The following FAM227B variants were observed in gnomAD, a reference collection of about 807,000 sequenced individuals.
FAM227B encodes the protein family with sequence similarity 227 member B.
Under a neutral mutation model 73.8 loss-of-function variants are expected in FAM227B, and 88 were observed. The observed-to-expected ratio is 1.19, with a 90% CI of 1.00 to 1.42. The LOEUF is 1.42. Ranked by LOEUF, FAM227B falls within the 40% of genes most tolerant of loss-of-function variation. FAM227B has a pLI of 0.00. For synonymous variants in FAM227B, 210 were observed against 190.5 expected, an observed-to-expected ratio of 1.10 and a Z score of -0.84; for missense variants, 632 against 590.9, an observed-to-expected ratio of 1.07 and a Z score of -0.72.
At chr15:49,607,951 G>A (rs945262396) in intron 3 of FAM227B, among the ~76,000 whole-genome samples, 1 of 152,032 alleles carries the variant, frequency 6.6e-6, no homozygotes, top group African/African-American at 2.4e-5. Flanking sequence ...TGAATAGAGT[G>A]TTATCTAAAA....
At chr15:49,515,573 A>C (rs1304265164) in intron 10 of FAM227B, among the ~76,000 whole-genome samples, 1 of 152,136 alleles carries the variant, frequency 6.6e-6, no homozygotes, top group Non-Finnish European at 1.5e-5. Context: ...AAGATGAGGT[A>C]AGTAGTTTTA....
At chr15:49,406,931 G>C (rs2048553888) in intron 11 of FAM227B, among the ~76,000 whole-genome samples, 1 of 151,986 alleles carries the variant, frequency 6.6e-6, no homozygotes, top group Non-Finnish European at 1.5e-5. Context: ...CAGGACCCCA[G>C]AACACCCGAG....
chr15:49,373,084 T>C (rs558770087), intron 11 of FAM227B, among the ~76,000 whole-genome samples: 22 of 152,020 alleles, frequency 1.4e-4, no homozygotes, highest in Non-Finnish European at 3.1e-4. Context: ...ATATAATACT[T>C]AATATATATG....
chr15:49,593,944 C>T (rs186308186), intron 3 of FAM227B, among the ~76,000 whole-genome samples: 14 of 152,260 alleles, frequency 9.2e-5, no homozygotes, highest in African/African-American at 3.1e-4. Context: ...GGGTACATAT[C>T]TAATAGTGGG....
intron 13 of FAM227B, among the ~76,000 whole-genome samples, chr15:49,346,020 C>T (rs1030246096): frequency 5.3e-5 from 8 of 151,544 alleles, no homozygotes; most frequent in African/African-American, 1.9e-4. Context: ...GGTCTGCCTG[C>T]CCTGCTTGCT....
intron 11 of FAM227B, chr15:49,424,211 G>A (rs1158134644): frequency 8.5e-7 from 1 of 1,178,510 alleles, no homozygotes; most frequent in Non-Finnish European, 1.2e-6. Context: ...TTCACAGATA[G>A]GAAGAGGTCA....
At chr15:49,508,072 T>C (rs933693822) in intron 11 of FAM227B, 139 bp downstream of exon 11, 1 of 840,746 alleles carries the variant, frequency 1.2e-6, no homozygotes, top group Non-Finnish European at 1.8e-6. Flanking sequence ...TGTGTACCAC[T>C]ATAACATCAA....
chr15:49,330,888 A>G (rs2151139367), intron 15 of FAM227B: 1 of 152,344 alleles, frequency 6.6e-6, no homozygotes, highest in African/African-American at 2.4e-5. Flanking sequence ...GAGGACTTCA[A>G]AGCTACAGTG....
At chr15:49,523,717 G>A (rs1436176840) in intron 10 of FAM227B, among the ~76,000 whole-genome samples, 2 of 152,158 alleles carry the variant, frequency 1.3e-5, no homozygotes, top group Non-Finnish European at 1.5e-5. Context: ...CTAGAAATTT[G>A]TTGAATGGCT....
At position 49,329,718 on chromosome 15, in the gene FAM227B, T is replaced by G. The variant is rs1027960305; in HGVS notation, c.1420-1043A>C. 6.2e-6 allele frequency: 6 copies of G among 972,100 alleles called. No individual in the cohort carries two copies. In the Admixed American group the frequency reaches 3.1e-4, roughly 50 times the overall value. 60.2% of individuals were successfully genotyped at this position (972,100 alleles called of 1,614,324 possible). On this transcript the variant is annotated intron_variant, in intron 15 of 15. Coordinates refer to ENST00000299338, the MANE Select transcript of FAM227B (RefSeq NM_152647.3). ...ATCTGAAACCTGAATTTATTTAAATTTATAATCCTTTATTTTTTAATACCG... is the reference window on the plus strand; with the variant it reads ...ATCTGAAACCTGAATTTATTTAAATGTATAATCCTTTATTTTTTAATACCG...
chr15:49,583,035 G>C (rs534190585), intron 5 of FAM227B, among the ~76,000 whole-genome samples: 1 of 152,026 alleles, frequency 6.6e-6, no homozygotes, highest in Admixed American at 6.6e-5. Context: ...AAAAAGATCT[G>C]AAGTTAACAA....
rs546385910 is a variant in FAM227B at position 49,359,566 on chromosome 15, A to G, written c.1271+7882T>C. On this transcript the variant is annotated intron_variant, in intron 13 of 15. Transcript: ENST00000299338. ...ACCATCTCACACCAGTTAGAATGGC[A>G]ATCATTAAAAAGTCAGGAAACAACA... 1.7e-5 allele frequency among the ~76,000 whole-genome samples: 2 copies of G among 116,226 alleles called. 1 individual carries two copies. Among genetic ancestry groups the G allele is most frequent in the East Asian group, 5.0e-4 (2 of 4,004 alleles). 76.2% of individuals were successfully genotyped at this position (116,226 alleles called of 152,430 possible).
chr15:49,462,150 G>A (rs1257266324), intron 11 of FAM227B, among the ~76,000 whole-genome samples: 2 of 152,106 alleles, frequency 1.3e-5, no homozygotes, highest in Non-Finnish European at 2.9e-5. Flanking sequence ...GGCAGTATGA[G>A]AGCATGGTGA....
chr15:49,454,247 A>G (rs957389413), intron 11 of FAM227B, among the ~76,000 whole-genome samples: 3 of 152,202 alleles, frequency 2.0e-5, no homozygotes, highest in African/African-American at 7.2e-5. Flanking sequence ...GAAATATACC[A>G]TGGATTTCCA....
chr15:49,582,930 G>A (rs1185969877), intron 5 of FAM227B, among the ~76,000 whole-genome samples: 1 of 152,100 alleles, frequency 6.6e-6, no homozygotes, highest in African/African-American at 2.4e-5. Context: ...TGGAACTGAT[G>A]AGAACAAAGG....
At chr15:49,464,345 A>C (rs2054075679) in intron 11 of FAM227B, among the ~76,000 whole-genome samples, 1 of 152,208 alleles carries the variant, frequency 6.6e-6, no homozygotes. Flanking sequence ...AGTTTGAATT[A>C]ATATTTTAAA....
chr15:49,372,753 G>A (rs2151484342), intron 11 of FAM227B, among the ~76,000 whole-genome samples: 1 of 152,212 alleles, frequency 6.6e-6, no homozygotes, highest in South Asian at 2.1e-4. Flanking sequence ...TCTAGACTCT[G>A]GCACTGATTA....
At chr15:49,357,176 T>C (rs1302557165) in intron 13 of FAM227B, among the ~76,000 whole-genome samples, 1 of 148,756 alleles carries the variant, frequency 6.7e-6, no homozygotes. Context: ...TTAAAAGAAC[T>C]AGAAAAGCAA....
chr15:49,329,745 G>A, intron 15 of FAM227B: 3 of 971,798 alleles, frequency 3.1e-6, no homozygotes, highest in Non-Finnish European at 3.7e-6. Context: ...TTAATACCGT[G>A]CCATTTTCCA....
Sources: gnomAD v4.1 joint callset for allele counts (sites outside exome capture counted in the v4.1 genomes callset) on GRCh38, gnomAD v4.1.1 for gene constraint, MANE v1.5 for transcripts, NCBI Gene and HGNC (gene_info 2026-07-23, HGNC 2026-07-21) for gene names.